The following TLK1 variants were observed in gnomAD, a reference collection of about 807,000 sequenced individuals.
TLK1 encodes serine/threonine-protein kinase tousled-like 1.
A neutral mutation model predicts 105.3 loss-of-function variants in TLK1; 24 were observed. The ratio of observed to expected loss-of-function variants is 0.23; its 90% CI spans 0.17 to 0.32. The LOEUF (loss-of-function observed/expected upper bound fraction) is 0.32. Ranked by LOEUF, TLK1 falls within the 10% of genes least tolerant of loss-of-function variation. TLK1 has a pLI of 1.00. For missense variants in TLK1, 558 were observed against 910.5 expected (o/e 0.61, Z 4.98); for synonymous variants, 321 against 310.4 (o/e 1.03, Z -0.36).
At chr2:171,019,787 G>C (rs1685398231) in intron 12 of TLK1, among the ~76,000 whole-genome samples, 1 of 152,232 alleles carries the variant, frequency 6.6e-6, no homozygotes, top group African/African-American at 2.4e-5. Flanking sequence ...GCCAGGTGAG[G>C]TGGCTCACAC....
At chr2:171,204,148 G>A (rs929374642) in intron 1 of TLK1, among the ~76,000 whole-genome samples, 7 of 152,174 alleles carry the variant, frequency 4.6e-5, no homozygotes, top group African/African-American at 1.2e-4. Context: ...TAAAACTTGT[G>A]ATTAGATCAG....
chr2:171,053,849 T>C lies in TLK1; in HGVS notation c.644A>G (p.Asp215Gly). The C allele has an allele frequency of 6.2e-7, 1 of 1,601,486 alleles. No homozygotes were observed. The highest frequency in any genetic ancestry group is 8.5e-7 in the Non-Finnish European group (1 of 1,174,990). ...TGCTGCTAATTTCAGCATTGTGAGA[T>C]CAGTCTAAATGAAAAAAAGTTATTT... ...KQLSFKIIQT[D>G]LTMLKLAALE... Residue 215 changes from aspartate to glycine, a missense_variant, in exon 8 of 21, where the codon GAT becomes GGT. By Grantham distance (94) the Asp-to-Gly change is moderately conservative (BLOSUM62 -1). Transcript: ENST00000431350.
At chr2:171,033,892 T>TA (rs1404062964) in intron 11 of TLK1, among the ~76,000 whole-genome samples, 30 of 145,286 alleles carry the variant, frequency 2.1e-4, no homozygotes, top group South Asian at 1.3e-3. Flanking sequence ...CCAGATTTTT[T>TA]AAAAAAAAAA....
intron 1 of TLK1, among the ~76,000 whole-genome samples, chr2:171,223,799 T>A (rs1437676090): frequency 2.3e-5 from 3 of 131,744 alleles, no homozygotes; most frequent in Non-Finnish European, 4.7e-5. Context: ...TTAAAATCAA[T>A]TTTTTTTTTT....
At chr2:171,191,108 C>T (rs1389730343) in intron 1 of TLK1, among the ~76,000 whole-genome samples, 1 of 151,718 alleles carries the variant, frequency 6.6e-6, no homozygotes, top group South Asian at 2.1e-4. Flanking sequence ...TGCAATGAGT[C>T]GAGATCACGC....
intron 1 of TLK1, among the ~76,000 whole-genome samples, chr2:171,179,065 C>T (rs1692882362): frequency 6.6e-6 from 1 of 152,082 alleles, no homozygotes; most frequent in African/African-American, 2.4e-5. Context: ...TCTAATATTT[C>T]TTGTTACACC....
chr2:171,193,551 C>T (rs900060027), intron 1 of TLK1, among the ~76,000 whole-genome samples: 1 of 151,668 alleles, frequency 6.6e-6, no homozygotes, highest in African/African-American at 2.4e-5. Flanking sequence ...CGCCCGCCAC[C>T]ACGCCCGGCT....
At chr2:171,031,574 T>A (rs1281542149) in intron 11 of TLK1, among the ~76,000 whole-genome samples, 1 of 152,178 alleles carries the variant, frequency 6.6e-6, no homozygotes, top group East Asian at 1.9e-4. Context: ...ATATTTTTAT[T>A]ACACAAACAT....
At chr2:171,223,354 G>GA (rs1350202014) in intron 1 of TLK1, among the ~76,000 whole-genome samples, 1 of 152,080 alleles carries the variant, frequency 6.6e-6, no homozygotes, top group Non-Finnish European at 1.5e-5. Context: ...ACTGGGGTGA[G>GA]ATGATATCTC....
intron 1 of TLK1, among the ~76,000 whole-genome samples, chr2:171,155,292 A>G (rs1235508339): frequency 6.6e-6 from 1 of 152,228 alleles, no homozygotes; most frequent in African/African-American, 2.4e-5. Context: ...GTGCTGAAAT[A>G]TATTACAACT....
Position 171,082,845 on chromosome 2 carries a change from G to A in TLK1, c.266C>T (p.Thr89Ile). 1 of 1,603,996 alleles carries A rather than the reference G, an allele frequency of 6.2e-7. No homozygotes were observed. Among genetic ancestry groups the A allele is most frequent in the Middle Eastern group, 1.7e-4 (1 of 6,028 alleles). ...ACTGTGATTAGAGCTTTCGTTATTT[G>A]TTGAGGCCTGTTAAAGATTTTTTAA... ...GSCSVGAKAS[T>I]NNESSNHSFG... Residue 89 changes from threonine to isoleucine, a missense_variant, in exon 3 of 21, where the codon ACA becomes ATA. By Grantham distance (89) the Thr-to-Ile change is moderately conservative (BLOSUM62 -1). This residue lies in a region of TLK1 where 104 missense variants were observed against 116.0 expected (regional missense o/e 0.90). Transcript: ENST00000431350.
At chr2:171,015,733 C>CACACACACACACACACA (rs1685169621) in intron 12 of TLK1, among the ~76,000 whole-genome samples, 2 of 8,160 alleles carry the variant, frequency 2.5e-4, no homozygotes, top group African/African-American at 3.6e-4. Context: ...ACACACACAC[C>CACACACACACACACACA]CACCCCTTTT....
In TLK1 at chr2:171,144,396, T is replaced by C. The variant is rs1691711008; in HGVS notation, c.139+15894A>G. Among the ~76,000 whole-genome samples the C allele has an allele frequency of 2.6e-5, 4 of 152,156 alleles. No individual in the cohort carries two copies. The South Asian group carries it at 8.3e-4, about 32-fold the overall frequency. On this transcript the variant is annotated intron_variant, in intron 1 of 20. Coordinates refer to ENST00000431350, the MANE Select transcript of TLK1 (RefSeq NM_012290.5). ...TTCTAAAAAAGCACACATGGAACAT[T>C]CTCCAGGATAGATGATCTATGCTAG...
chr2:171,229,503 G>A (rs754357351), intron 1 of TLK1, among the ~76,000 whole-genome samples: 11 of 152,214 alleles, frequency 7.2e-5, no homozygotes, highest in South Asian at 4.1e-4. Flanking sequence ...TCTTCCCTCC[G>A]GGTGCCATCC....
intron 8 of TLK1, 108 bp from the exon 9 acceptor site, chr2:171,050,282 T>A: frequency 1.5e-6 from 1 of 666,802 alleles, no homozygotes; most frequent in Non-Finnish European, 2.3e-6. Flanking sequence ...CTAATAATAT[T>A]AAATATCTGA....
intron 1 of TLK1, among the ~76,000 whole-genome samples, chr2:171,199,615 C>T (rs1443664425): frequency 6.6e-6 from 1 of 152,164 alleles, no homozygotes; most frequent in Non-Finnish European, 1.5e-5. Flanking sequence ...CGAGGGCTCC[C>T]TCAGCCAGTG....
intron 1 of TLK1, among the ~76,000 whole-genome samples, chr2:171,180,323 A>G (rs1424781994): frequency 6.6e-6 from 1 of 152,162 alleles, no homozygotes; most frequent in Non-Finnish European, 1.5e-5. Context: ...TTAGCATATT[A>G]TCAGTTGTTT....
At chr2:171,222,623 T>A (rs1185949367) in intron 1 of TLK1, among the ~76,000 whole-genome samples, 1 of 152,136 alleles carries the variant, frequency 6.6e-6, no homozygotes, top group African/African-American at 2.4e-5. Flanking sequence ...TATGGCTACA[T>A]AATAGTTTAC....
chr2:171,123,210 G>A (rs1690731985), intron 1 of TLK1, among the ~76,000 whole-genome samples: 1 of 151,866 alleles, frequency 6.6e-6, no homozygotes, highest in South Asian at 2.1e-4. Flanking sequence ...GTTAAATTTT[G>A]TTTTGAGACG....
Sources: allele counts gnomAD v4.1 joint callset (sites outside exome capture counted in the v4.1 genomes callset), GRCh38; gene constraint gnomAD v4.1.1; regional missense constraint gnomAD v4.1.1; transcripts MANE v1.5; gene names NCBI Gene and HGNC (gene_info 2026-07-23, HGNC 2026-07-21).